Variants in SMIM13 observed in about 807,000 individuals in gnomAD.
SMIM13 encodes the protein UPF0766 protein C6orf228.
In SMIM13, 3 loss-of-function variants were observed where a neutral mutation model predicts 5.9. The ratio of observed to expected loss-of-function variants is 0.51; its 90% CI spans 0.23 to 1.31. The LOEUF (loss-of-function observed/expected upper bound fraction) is 1.31, where lower values mean the gene tolerates loss of function less well. SMIM13 is among the 40% of genes most tolerant of loss of function. SMIM13 has a pLI of 0.18. For missense variants in SMIM13, 85 were observed against 109.9 expected (o/e 0.77, Z 1.01); for synonymous variants, 55 against 46.0 (o/e 1.19, Z -0.79).
chr6:11,128,860 C>G (rs890772816), intron 1 of SMIM13, among the ~76,000 whole-genome samples: 2 of 152,040 alleles, frequency 1.3e-5, no homozygotes, highest in Middle Eastern at 3.2e-3. Context: ...TGTCCCTCCC[C>G]CAGGCATACA....
chr6:11,121,018 C>T (rs72825135), intron 1 of SMIM13, among the ~76,000 whole-genome samples: 3,078 of 152,308 alleles, frequency 0.02, 46 homozygotes, highest in South Asian at 0.049. Flanking sequence ...CAGTGTGTTT[C>T]ATGAAATTCA....
chr6:11,119,833 A>G (rs946117704), intron 1 of SMIM13, among the ~76,000 whole-genome samples: 2 of 152,210 alleles, frequency 1.3e-5, no homozygotes, highest in African/African-American at 4.8e-5. Context: ...TGGAGGTACT[A>G]TGATTCAAAT....
intron 1 of SMIM13, among the ~76,000 whole-genome samples, chr6:11,117,176 T>G (rs1364562002): frequency 7.0e-6 from 1 of 143,762 alleles, no homozygotes; most frequent in Non-Finnish European, 1.5e-5. Flanking sequence ...TTTTTTTTTT[T>G]TTTTTGAGAC....
chr6:11,105,361 G>T, intron 1 of SMIM13: 1 of 1,407,846 alleles, frequency 7.1e-7, no homozygotes, highest in Non-Finnish European at 9.8e-7. Flanking sequence ...GGAACTCCTG[G>T]TGGTGTACAA....
chr6:11,101,511 T>G (rs1009523971), intron 1 of SMIM13, among the ~76,000 whole-genome samples: 3 of 152,040 alleles, frequency 2.0e-5, no homozygotes, highest in African/African-American at 7.2e-5. Flanking sequence ...AAGGAGGAGA[T>G]GGAAGGAAAC....
intron 1 of SMIM13, among the ~76,000 whole-genome samples, chr6:11,096,392 G>C (rs913938060): frequency 6.6e-6 from 1 of 152,230 alleles, no homozygotes; most frequent in African/African-American, 2.4e-5. Flanking sequence ...CAGGGAGGAG[G>C]GATCTGTGTG....
chr6:11,098,617 G>T (rs1374098261), intron 1 of SMIM13, among the ~76,000 whole-genome samples: 1 of 152,094 alleles, frequency 6.6e-6, no homozygotes. Context: ...ATTTTTAGTA[G>T]TGACGGGGTT....
At chr6:11,119,174 A>G (rs1332962907) in intron 1 of SMIM13, among the ~76,000 whole-genome samples, 1 of 152,212 alleles carries the variant, frequency 6.6e-6, no homozygotes, top group Non-Finnish European at 1.5e-5. Context: ...TCTGCCATAG[A>G]GATGGGGAGA....
intron 1 of SMIM13, chr6:11,104,579 C>T (rs1758054624): frequency 6.2e-7 from 1 of 1,612,512 alleles, no homozygotes; most frequent in Non-Finnish European, 8.5e-7. Flanking sequence ...GGTTAGCTCC[C>T]TTGGTTTTAT....
At chr6:11,134,353 A>T (rs913402682) in intron 1 of SMIM13, 50 bp from the exon 2 acceptor site, 1 of 1,382,904 alleles carries the variant, frequency 7.2e-7, no homozygotes, top group African/African-American at 1.5e-5. Flanking sequence ...TTCTGAATTG[A>T]TAACATTGTG....
chr6:11,098,856 C>T (rs1169382628), intron 1 of SMIM13, among the ~76,000 whole-genome samples: 8 of 152,166 alleles, frequency 5.3e-5, no homozygotes, highest in African/African-American at 1.7e-4. Flanking sequence ...CCACAACCTA[C>T]AATAGAAAAT....
At position 11,105,076 on chromosome 6, in the gene SMIM13, C is replaced by A. The variant is rs1164279010; in HGVS notation, c.76+10687C>A. ...CTCATCAGTCCTTTCAGATTAGGGT[C>A]CCATCGATAGGAAATATGTAATTCC... On this transcript the variant is annotated intron_variant, in intron 1 of 1. Transcript: ENST00000416247. 1 of 1,614,000 alleles carries A rather than the reference C, an allele frequency of 6.2e-7. No individual in the cohort carries two copies. The highest frequency in any genetic ancestry group is 1.3e-5 in the African/African-American group (1 of 74,912).
In SMIM13 at chr6:11,105,358, C is replaced by G. The variant is rs1230926132; in HGVS notation, c.76+10969C>G. 5.6e-6 allele frequency: 8 copies of G among 1,428,154 alleles called. No individual in the cohort carries two copies. In the East Asian group the frequency reaches 1.4e-4, roughly 24 times the overall value. 88.5% of individuals were successfully genotyped at this position (1,428,154 alleles called of 1,614,324 possible). A position where few individuals can be genotyped will look rare whatever the true frequency, so the allele number is the denominator to read the frequency against. On this transcript the variant is annotated intron_variant, in intron 1 of 1. Transcript: ENST00000416247. ...ACAAAACGAGCTGCCAATGGAACTC[C>G]TGGTGGTGTACAAGTTAGGGTTAAA...
chr6:11,138,717 A>C lies in SMIM13; in HGVS notation c.*4115A>C, dbSNP rs1758546034. 6.6e-6 allele frequency: 1 copy of C among 152,158 alleles called. No homozygotes were observed. The highest frequency in any genetic ancestry group is 2.4e-5 in the African/African-American group (1 of 41,432). The allele number at this position is 152,158 out of a possible 1,614,324, so 9.4% of individuals were successfully genotyped here. ...CTTTCACTTTAAACTGCATAGAATA[A>C]ATTAAATTGAAAACAACAAAAGTTA... On this transcript the variant is annotated 3_prime_UTR_variant, in exon 2 of 2. Transcript: ENST00000416247.
intron 1 of SMIM13, among the ~76,000 whole-genome samples, chr6:11,107,165 C>G (rs1347752147): frequency 6.6e-6 from 1 of 152,178 alleles, no homozygotes; most frequent in South Asian, 2.1e-4. Context: ...TTAAATCTTC[C>G]TGGCTGGCAT....
intron 1 of SMIM13, among the ~76,000 whole-genome samples, chr6:11,124,156 A>G (rs945598888): frequency 1.3e-5 from 2 of 152,128 alleles, no homozygotes; most frequent in African/African-American, 2.4e-5. Context: ...CTGCCCCTTC[A>G]GTACCGTTCC....
At chr6:11,109,897 ACTGT>A (rs1174558096) in intron 1 of SMIM13, among the ~76,000 whole-genome samples, 2 of 151,984 alleles carry the variant, frequency 1.3e-5, no homozygotes, top group African/African-American at 4.8e-5. Context: ...CAATTTCCCT[ACTGT>A]CTTTTTCCTG....
At chr6:11,114,863 G>T (rs569441533) in intron 1 of SMIM13, among the ~76,000 whole-genome samples, 28 of 152,086 alleles carry the variant, frequency 1.8e-4, no homozygotes, top group African/African-American at 6.5e-4. Context: ...GCCTCCCAAA[G>T]TGTTGGCATT....
rs1757885670 is a variant in SMIM13, at chr6:11,093,925, G to A, written c.-389G>A. ...GGGTGGACAGCGACGAGGGCCTTGT[G>A]GCCGCCGTGTGTACCCGTGCTTACC... On this transcript the variant is annotated 5_prime_UTR_variant, in exon 1 of 2. Coordinates refer to ENST00000416247, the MANE Select transcript of SMIM13 (RefSeq NM_001135575.2). 6.6e-6 allele frequency: 1 copy of A among 152,280 alleles called. No homozygotes were observed. The highest frequency in any genetic ancestry group is 1.5e-5 in the Non-Finnish European group (1 of 68,078). The allele number at this position is 152,280 out of a possible 1,614,324, so 9.4% of individuals were successfully genotyped here.
Sources: gnomAD v4.1 joint callset for allele counts (sites outside exome capture counted in the v4.1 genomes callset) on GRCh38, gnomAD v4.1.1 for gene constraint, MANE v1.5 for transcripts, NCBI Gene and HGNC (gene_info 2026-07-23, HGNC 2026-07-21) for gene names.